MAST4: variants seen among roughly 807,000 people sequenced by gnomAD.
MAST4 encodes the protein microtubule-associated serine/threonine-protein kinase 4.
A neutral mutation model predicts 162.7 loss-of-function variants in MAST4; 89 were observed. The ratio of observed to expected loss-of-function variants is 0.55; its 90% CI spans 0.46 to 0.65. The LOEUF (loss-of-function observed/expected upper bound fraction) is 0.65. MAST4 is among the 30% of genes least tolerant of loss of function. MAST4 has a pLI of 0.00. For missense variants in MAST4, 3,153 were observed against 3,374.0 expected, an observed-to-expected ratio of 0.93 and a Z score of 1.62; for synonymous variants, 1,479 against 1,361.1, an observed-to-expected ratio of 1.09 and a Z score of -1.91.
chr5:66,930,183 G>T (rs1242661062), intron 4 of MAST4, among the ~76,000 whole-genome samples: 1 of 152,172 alleles, frequency 6.6e-6, no homozygotes, highest in Non-Finnish European at 1.5e-5. Context: ...GACTGAAACT[G>T]TGCCCCCTTT....
intron 1 of MAST4, among the ~76,000 whole-genome samples, chr5:66,629,009 T>A (rs1380938023): frequency 6.6e-6 from 1 of 152,150 alleles, no homozygotes; most frequent in African/African-American, 2.4e-5. Context: ...ACCCAAACAA[T>A]GTTATCATTT....
rs1581738241 is a variant in MAST4, at chr5:67,152,817, G to A, written c.3476G>A (p.Arg1159Gln). 3 of 1,614,030 alleles carry A rather than the reference G, an allele frequency of 1.9e-6. No homozygotes were observed. Among genetic ancestry groups the A allele is most frequent in the African/African-American group, 2.7e-5 (2 of 75,054 alleles). Residue 1159 changes from arginine (R) to glutamine (Q), a missense_variant, in exon 25 of 29, where the codon CGG becomes CAG. By Grantham distance (43) the Arg-to-Gln change is conservative. Around this residue, in one of 7 missense-constraint regions of MAST4, gnomAD observed 619 missense variants for 744.2 expected, o/e 0.83. Coordinates refer to ENST00000403625, the MANE Select transcript of MAST4 (RefSeq NM_001164664.2). ...KNYGFTIRAI[R>Q]VYVGDSDIYT... The stretch of plus-strand genomic sequence containing the variant: ...TACGGCTTTACCATCCGAGCCATCC[G>A]GGTGTATGTGGGAGACAGTGACATC...
rs760693980 is a variant in MAST4 at position 67,166,799 on chromosome 5, C to A, written c.7620C>A (p.Thr2540=). 3 of 1,603,496 alleles carry A rather than the reference C, an allele frequency of 1.9e-6. No individual in the cohort carries two copies. The highest frequency in any genetic ancestry group is 2.3e-5 in the East Asian group (1 of 44,404). Residue 2540 remains threonine (T), a synonymous_variant, in exon 29 of 29, where the codon ACC becomes ACA. Coordinates refer to ENST00000403625, the MANE Select transcript of MAST4 (RefSeq NM_001164664.2). The part of the protein sequence containing the change: ...PLESHHPDPN[T]MGGASHRDRA... ...AGTCACACCACCCCGACCCAAACAC[C>A]ATGGGCGGGGCCAGCCACCGGGACA...
At chr5:66,949,595 T>C (rs1475401685) in intron 4 of MAST4, among the ~76,000 whole-genome samples, 1 of 152,168 alleles carries the variant, frequency 6.6e-6, no homozygotes, top group African/African-American at 2.4e-5. Context: ...CTCAGGTATG[T>C]CTATTAGCAG....
At chr5:66,654,811 A>G (rs1746447134) in intron 1 of MAST4, among the ~76,000 whole-genome samples, 2 of 152,158 alleles carry the variant, frequency 1.3e-5, no homozygotes, top group South Asian at 2.1e-4. Context: ...TGGAAATTCT[A>G]GGTTGCTGGG....
intron 1 of MAST4, among the ~76,000 whole-genome samples, chr5:66,684,344 T>C (rs1748505105): frequency 1.3e-5 from 1 of 79,942 alleles, no homozygotes; most frequent in South Asian, 5.6e-4. Flanking sequence ...GTAGTGCTTC[T>C]TTTCTTCCAG....
intron 1 of MAST4, among the ~76,000 whole-genome samples, chr5:66,616,081 A>G (rs1171191117): frequency 6.6e-6 from 1 of 152,206 alleles, no homozygotes; most frequent in Non-Finnish European, 1.5e-5. Context: ...TATGCAATAA[A>G]TCTTTGTTGA....
chr5:66,641,678 C>T (rs1745496146), intron 1 of MAST4, among the ~76,000 whole-genome samples: 1 of 152,016 alleles, frequency 6.6e-6, no homozygotes, highest in African/African-American at 2.4e-5. Context: ...AACCAGAAAA[C>T]AAGGAAGCTG....
At chr5:66,935,401 T>C (rs932462169) in intron 4 of MAST4, among the ~76,000 whole-genome samples, 2 of 152,190 alleles carry the variant, frequency 1.3e-5, no homozygotes, top group African/African-American at 2.4e-5. Context: ...CCAATTATAT[T>C]GGAACCTTGC....
At chr5:66,665,158 G>C (rs1030740847) in intron 1 of MAST4, among the ~76,000 whole-genome samples, 2 of 152,212 alleles carry the variant, frequency 1.3e-5, no homozygotes, top group Non-Finnish European at 1.5e-5. Context: ...TTTTCGAAGA[G>C]TTTTGTTTAA....
At chr5:66,698,053 G>A (rs1445350638) in intron 1 of MAST4, among the ~76,000 whole-genome samples, 2 of 151,748 alleles carry the variant, frequency 1.3e-5, no homozygotes, top group East Asian at 3.9e-4. Flanking sequence ...CTGCTTCAGT[G>A]GCTCTACCTG....
intron 4 of MAST4, among the ~76,000 whole-genome samples, chr5:67,041,890 A>C (rs1756787865): frequency 6.6e-6 from 1 of 152,222 alleles, no homozygotes; most frequent in African/African-American, 2.4e-5. Flanking sequence ...TGGCTCCCAA[A>C]GTGCTGGGAT....
At chr5:66,939,360 C>T (rs901332900) in intron 4 of MAST4, among the ~76,000 whole-genome samples, 1 of 152,120 alleles carries the variant, frequency 6.6e-6, no homozygotes, top group Non-Finnish European at 1.5e-5. Context: ...ATTCCACTTG[C>T]AAACTGTTTG....
chr5:66,839,653 T>C (rs1376728559), intron 3 of MAST4, among the ~76,000 whole-genome samples: 1 of 152,114 alleles, frequency 6.6e-6, no homozygotes, highest in Non-Finnish European at 1.5e-5. Flanking sequence ...TCCAATACAG[T>C]TTTTGAAAGG....
At chr5:66,709,773 T>G (rs1750379270) in intron 1 of MAST4, among the ~76,000 whole-genome samples, 1 of 152,236 alleles carries the variant, frequency 6.6e-6, no homozygotes, top group Admixed American at 6.5e-5. Flanking sequence ...CACCAGACTG[T>G]TTGAATCCCC....
At position 66,608,171 on chromosome 5, in the gene MAST4, CCT is replaced by C. The variant is rs755112163; in HGVS notation, c.363+11155_363+11156del. On this transcript the variant is annotated intron_variant, in intron 1 of 28. Transcript: ENST00000403625. ...CTCCCTGGTTCAAGTGATTCTCATG[CCT>C]CAGCCTCCCGAGTAGCTGGGATTAC... Among the ~76,000 whole-genome samples the C allele has an allele frequency of 2.6e-5, 4 of 151,100 alleles. No individual in the cohort carries two copies. The East Asian group carries it at 7.8e-4, about 29-fold the overall frequency.
In MAST4 at chr5:67,160,539, G is replaced by C; in HGVS notation, c.3732G>C (p.Lys1244Asn). ...GACCAGCCAGGAGAAACAGCTATAA[G>C]AGCCGGATGGTGAGGCGGAGCAAGA... is the stretch of plus-strand genomic sequence containing the variant. Reference protein sequence around the residue: ...KTGPARRNSYKSRMVRRSKKS... With the variant: ...KTGPARRNSYNSRMVRRSKKS... Residue 1244 changes from lysine (K) to asparagine (N), a missense_variant, in exon 27 of 29, where the codon AAG becomes AAC. Lys to Asn is a moderately conservative substitution (Grantham distance 94, BLOSUM62 0). Coordinates refer to ENST00000403625, the MANE Select transcript of MAST4 (RefSeq NM_001164664.2). The C allele has an allele frequency of 6.2e-7, 1 of 1,613,894 alleles. No homozygotes were observed. Among genetic ancestry groups the C allele is most frequent in the Non-Finnish European group, 8.5e-7 (1 of 1,179,830 alleles).
intron 4 of MAST4, among the ~76,000 whole-genome samples, chr5:66,973,836 C>T (rs1467636381): frequency 6.6e-6 from 1 of 152,160 alleles, no homozygotes; most frequent in Middle Eastern, 3.2e-3. Flanking sequence ...AAATGGAAGA[C>T]AAATACATAT....
At chr5:66,799,252 T>C (rs994391824) in intron 3 of MAST4, among the ~76,000 whole-genome samples, 1 of 152,232 alleles carries the variant, frequency 6.6e-6, no homozygotes, top group African/African-American at 2.4e-5. Flanking sequence ...AATACCTGTC[T>C]GTACTTTAGT....
Sources: gnomAD v4.1 joint callset for allele counts (sites outside exome capture counted in the v4.1 genomes callset) on GRCh38, gnomAD v4.1.1 for gene constraint, gnomAD v4.1.1 regional missense constraint, MANE v1.5 for transcripts, NCBI Gene and HGNC (gene_info 2026-07-23, HGNC 2026-07-21) for gene names.